CTNNA3: variants seen among roughly 807,000 people sequenced by gnomAD.
CTNNA3 encodes the protein catenin alpha 3.
CTNNA3 carries 76 observed loss-of-function variants against 95.7 expected under a neutral mutation model. The observed-to-expected ratio is 0.79, with a 90% confidence interval of 0.66 to 0.96. The LOEUF is 0.96. Ranked by LOEUF, CTNNA3 falls within the 40% of genes least tolerant of loss-of-function variation. The probability of loss-of-function intolerance (pLI) is 0.00; values close to 1 mark genes in which losing one functional copy is unlikely to be tolerated. For synonymous variants in CTNNA3, 431 were observed against 374.4 expected (o/e 1.15, Z -1.74); for missense variants, 1,191 against 1,089.8 (o/e 1.09, Z -1.31).
chr10:67,627,020 T>C (rs1218448264), intron 2 of CTNNA3, among the ~76,000 whole-genome samples: 1 of 152,220 alleles, frequency 6.6e-6, no homozygotes. Flanking sequence ...ATGCTACCTC[T>C]GTTAGATGTT....
At chr10:66,197,790 G>A (rs752671205) in intron 13 of CTNNA3, among the ~76,000 whole-genome samples, 9 of 152,058 alleles carry the variant, frequency 5.9e-5, no homozygotes, top group Non-Finnish European at 8.8e-5. Flanking sequence ...TTTATGGTGC[G>A]CTGTTCTTCC....
intron 9 of CTNNA3, among the ~76,000 whole-genome samples, chr10:66,723,136 G>T (rs1001130772): frequency 2.0e-5 from 3 of 152,094 alleles, no homozygotes; most frequent in Non-Finnish European, 2.9e-5. Flanking sequence ...GAGAGGAGGG[G>T]AGAGAAAGGA....
intron 7 of CTNNA3, among the ~76,000 whole-genome samples, chr10:66,845,718 A>AT (rs1261334577): frequency 2.4e-5 from 3 of 123,984 alleles, no homozygotes; most frequent in African/African-American, 6.8e-5. Context: ...AAAAAAAAAA[A>AT]AAAAAAAAAA....
chr10:67,141,509 G>C (rs1424251135), intron 7 of CTNNA3, among the ~76,000 whole-genome samples: 1 of 152,118 alleles, frequency 6.6e-6, no homozygotes, highest in African/African-American at 2.4e-5. Context: ...ATGTGACAAT[G>C]ACCAAGTCAA....
At chr10:67,183,354 C>A (rs1200976050) in intron 6 of CTNNA3, among the ~76,000 whole-genome samples, 2 of 152,072 alleles carry the variant, frequency 1.3e-5, no homozygotes, top group African/African-American at 4.8e-5. Context: ...GAATACTATG[C>A]AGCCATAAAA....
chr10:67,632,234 C>G (rs529944876), intron 2 of CTNNA3, among the ~76,000 whole-genome samples: 1 of 150,584 alleles, frequency 6.6e-6, no homozygotes, highest in Non-Finnish European at 1.5e-5. Flanking sequence ...ACATTGCATA[C>G]ATACATCAAA....
intron 17 of CTNNA3, among the ~76,000 whole-genome samples, chr10:65,944,848 ATATCTGTCTATCTATCTATC>A (rs980663817): frequency 1.5e-5 from 2 of 132,634 alleles, no homozygotes; most frequent in African/African-American, 6.0e-5. Flanking sequence ...AAACAAGAAA[ATATCTGTCTATCTATCTATC>A]TATCTATCTA....
intron 1 of CTNNA3, among the ~76,000 whole-genome samples, chr10:67,695,588 T>C (rs999329286): frequency 3.3e-5 from 5 of 152,240 alleles, no homozygotes; most frequent in Non-Finnish European, 7.3e-5. Flanking sequence ...CCATTTACTA[T>C]GAATTAGCTT....
At chr10:67,201,657 T>C (rs371393416) in intron 6 of CTNNA3, among the ~76,000 whole-genome samples, 3 of 152,286 alleles carry the variant, frequency 2.0e-5, no homozygotes, top group East Asian at 3.9e-4. Context: ...CCAAACTGAT[T>C]AGATGTCAAT....
intron 7 of CTNNA3, among the ~76,000 whole-genome samples, chr10:66,805,198 CT>C (rs1372289646): frequency 6.6e-6 from 1 of 151,910 alleles, no homozygotes; most frequent in Non-Finnish European, 1.5e-5. Context: ...TTCTTCTAAT[CT>C]TTGTCACTTT....
intron 13 of CTNNA3, among the ~76,000 whole-genome samples, chr10:66,125,493 A>G (rs1052407494): frequency 1.7e-4 from 26 of 152,224 alleles, no homozygotes; most frequent in Admixed American, 1.5e-3. Context: ...AAAACAAAAT[A>G]GAAACCATAT....
intron 9 of CTNNA3, among the ~76,000 whole-genome samples, chr10:66,629,042 G>C (rs1182217752): frequency 6.6e-6 from 1 of 152,082 alleles, no homozygotes; most frequent in African/African-American, 2.4e-5. Flanking sequence ...CTTAGAAAAA[G>C]TGGCCAGAGA....
chr10:66,077,814 A>G (rs1477222679), intron 14 of CTNNA3, among the ~76,000 whole-genome samples: 1 of 151,762 alleles, frequency 6.6e-6, no homozygotes, highest in Non-Finnish European at 1.5e-5. Context: ...TGCAATATAT[A>G]TTTTATCCAG....
chr10:65,914,575 G>A lies in CTNNA3; in HGVS notation c.*5755C>T, dbSNP rs2076983980. On this transcript the variant is annotated 3_prime_UTR_variant, in exon 18 of 18. Transcript: ENST00000433211. Reference sequence around the variant, plus strand: ...AGTTTGGGTAAATTTCAAATACAGGGAAACTTTATCCTACTACAATAATCC... The same window carrying A: ...AGTTTGGGTAAATTTCAAATACAGGAAAACTTTATCCTACTACAATAATCC... 1.3e-5 allele frequency: 2 copies of A among 152,212 alleles called. No individual in the cohort carries two copies. Among genetic ancestry groups the A allele is most frequent in the South Asian group, 4.1e-4 (2 of 4,826 alleles). The allele number at this position is 152,212 out of a possible 1,614,324, so 9.4% of individuals were successfully genotyped here. A position where few individuals can be genotyped will look rare whatever the true frequency, so the allele number is the denominator to read the frequency against.
intron 12 of CTNNA3, among the ~76,000 whole-genome samples, chr10:66,286,618 A>G (rs2091593816): frequency 1.3e-5 from 2 of 152,066 alleles, no homozygotes; most frequent in Non-Finnish European, 2.9e-5. Flanking sequence ...ACAGGGAAAG[A>G]AGTCTAGAGT....
At chr10:66,953,479 TC>T (rs1168633938) in intron 7 of CTNNA3, among the ~76,000 whole-genome samples, 1 of 152,160 alleles carries the variant, frequency 6.6e-6, no homozygotes, top group Non-Finnish European at 1.5e-5. Context: ...TTCTGTACTT[TC>T]CCAACAAAGA....
chr10:66,344,353 G>A (rs531504125), intron 12 of CTNNA3, among the ~76,000 whole-genome samples: 188 of 151,376 alleles, frequency 1.2e-3, no homozygotes, highest in African/African-American at 4.4e-3. Flanking sequence ...TGCAACCTCC[G>A]TCTCCCGGGT....
chr10:66,424,509 C>G (rs1352789307), intron 11 of CTNNA3, among the ~76,000 whole-genome samples: 1 of 151,888 alleles, frequency 6.6e-6, no homozygotes, highest in African/African-American at 2.4e-5. Flanking sequence ...TTCTCATTGT[C>G]TTGCAATATA....
chr10:65,939,148 G>A (rs1321424625), intron 17 of CTNNA3, among the ~76,000 whole-genome samples: 2 of 151,978 alleles, frequency 1.3e-5, no homozygotes, highest in Non-Finnish European at 2.9e-5. Context: ...CTCGTGATCC[G>A]CTCGCCTCGG....
Sources: gnomAD v4.1 joint callset for allele counts (sites outside exome capture counted in the v4.1 genomes callset) on GRCh38, gnomAD v4.1.1 for gene constraint, MANE v1.5 for transcripts, NCBI Gene and HGNC (gene_info 2026-07-23, HGNC 2026-07-21) for gene names.